Variants in RBFOX1 observed in about 807,000 individuals in gnomAD.
The protein encoded by RBFOX1 is RNA binding protein fox-1 homolog 1.
In RBFOX1, 8 loss-of-function variants were observed where a neutral mutation model predicts 57.7. The observed-to-expected ratio is 0.14, with a 90% CI of 0.08 to 0.25. The LOEUF (loss-of-function observed/expected upper bound fraction) is 0.25, where lower values mean the gene tolerates loss of function less well. Ranked by LOEUF, RBFOX1 falls within the 10% of genes least tolerant of loss-of-function variation. RBFOX1 has a pLI of 1.00. For missense variants in RBFOX1, 611 were observed against 548.5 expected, an observed-to-expected ratio of 1.11 and a Z score of -1.14; for synonymous variants, 326 against 222.4, an observed-to-expected ratio of 1.47 and a Z score of -4.15.
At chr16:7,062,851 T>G (rs554490246) in intron 4 of RBFOX1, among the ~76,000 whole-genome samples, 8 of 149,876 alleles carry the variant, frequency 5.3e-5, no homozygotes, top group African/African-American at 1.5e-4. Flanking sequence ...GTTATCCATC[T>G]ATCCGTCCCT....
At chr16:7,568,503 G>A (rs953519699) in intron 5 of RBFOX1, among the ~76,000 whole-genome samples, 1 of 152,030 alleles carries the variant, frequency 6.6e-6, no homozygotes, top group Non-Finnish European at 1.5e-5. Flanking sequence ...GGTTTCGGTG[G>A]GATTTGGCTG....
chr16:7,404,646 C>T (rs545445806), intron 4 of RBFOX1, among the ~76,000 whole-genome samples: 3 of 152,186 alleles, frequency 2.0e-5, no homozygotes, highest in Non-Finnish European at 4.4e-5. Flanking sequence ...TCATGCTGTG[C>T]TGCCAGCGTT....
At chr16:6,700,000 T>G (rs560683367) in intron 3 of RBFOX1, among the ~76,000 whole-genome samples, 1 of 152,210 alleles carries the variant, frequency 6.6e-6, no homozygotes, top group East Asian at 1.9e-4. Context: ...GACATACATG[T>G]TTTCAGGGTA....
chr16:5,469,648 A>G (rs1207723319), intron 2 of RBFOX1, among the ~76,000 whole-genome samples: 5 of 152,084 alleles, frequency 3.3e-5, no homozygotes, highest in Admixed American at 1.3e-4. Context: ...CCCTGCGACC[A>G]TTAAGCAGTC....
At chr16:7,165,539 C>T (rs899004282) in intron 4 of RBFOX1, among the ~76,000 whole-genome samples, 1 of 151,934 alleles carries the variant, frequency 6.6e-6, no homozygotes, top group African/African-American at 2.4e-5. Context: ...AAGCCATTCA[C>T]CTGCCTCAGC....
chr16:6,784,479 C>T (rs988932436), intron 3 of RBFOX1, among the ~76,000 whole-genome samples: 3 of 152,034 alleles, frequency 2.0e-5, no homozygotes, highest in Non-Finnish European at 4.4e-5. Context: ...ATTATAATCT[C>T]TTTGCTAGAT....
chr16:6,778,705 A>T (rs2079808399), intron 3 of RBFOX1, among the ~76,000 whole-genome samples: 1 of 152,004 alleles, frequency 6.6e-6, no homozygotes. Context: ...GAATTCTTAA[A>T]TTAAAGAAAC....
At chr16:7,310,126 G>C (rs2096275373) in intron 4 of RBFOX1, among the ~76,000 whole-genome samples, 1 of 152,190 alleles carries the variant, frequency 6.6e-6, no homozygotes, top group Admixed American at 6.5e-5. Context: ...GAAGAGCCCT[G>C]GCCCTGGCCC....
intron 14 of RBFOX1, among the ~76,000 whole-genome samples, chr16:7,700,469 C>A (rs1173507747): frequency 6.6e-6 from 1 of 152,146 alleles, no homozygotes; most frequent in African/African-American, 2.4e-5. Flanking sequence ...GCTGTTCAAC[C>A]CTGCTTCATG....
At chr16:7,078,775 C>T (rs905928904) in intron 4 of RBFOX1, among the ~76,000 whole-genome samples, 4 of 149,216 alleles carry the variant, frequency 2.7e-5, no homozygotes, top group African/African-American at 7.3e-5. Context: ...CTCCACTTCC[C>T]GAGTTCAAGC....
At position 6,780,003 on chromosome 16, in the gene RBFOX1, A is replaced by ATT. The variant is rs2080337479; in HGVS notation, c.-16+125354_-16+125355insTT. 3.0e-5 allele frequency among the ~76,000 whole-genome samples: 2 copies of ATT among 66,948 alleles called. 1 individual carries two copies. Among genetic ancestry groups the ATT allele is most frequent in the African/African-American group, 1.4e-4 (2 of 14,718 alleles). The allele number at this position is 66,948 out of a possible 152,430, so 43.9% of individuals were successfully genotyped here. On this transcript the variant is annotated intron_variant, in intron 3 of 15. Transcript: ENST00000550418. ...TATTTATATATTTATATATTTATATATATTTATATATATTTATATATTTAT... is the reference window on the plus strand; with the variant it reads ...TATTTATATATTTATATATTTATATATTTATTTATATATATTTATATATTTAT...
At chr16:6,957,244 G>T (rs1418304431) in intron 3 of RBFOX1, among the ~76,000 whole-genome samples, 2 of 151,828 alleles carry the variant, frequency 1.3e-5, no homozygotes, top group East Asian at 3.9e-4. Context: ...CCATTCTCCT[G>T]CCTCAGCCTC....
chr16:6,476,922 A>G (rs1378987236), intron 2 of RBFOX1, among the ~76,000 whole-genome samples: 1 of 152,214 alleles, frequency 6.6e-6, no homozygotes, highest in Non-Finnish European at 1.5e-5. Flanking sequence ...GGATCATAGT[A>G]TCTTTACTAG....
intron 3 of RBFOX1, among the ~76,000 whole-genome samples, chr16:6,758,591 A>T (rs929008367): frequency 4.6e-5 from 7 of 152,176 alleles, no homozygotes; most frequent in Non-Finnish European, 8.8e-5. Context: ...TGTACCAAGC[A>T]ACTACATTTG....
intron 2 of RBFOX1, chr16:6,577,040 G>A (rs1301052014): frequency 1.3e-5 from 2 of 152,180 alleles, no homozygotes; most frequent in African/African-American, 4.8e-5. Flanking sequence ...TTTCAGGACT[G>A]TTCCCCCAAA....
At chr16:5,294,593 G>C (rs1177343895) in intron 1 of RBFOX1, among the ~76,000 whole-genome samples, 2 of 152,114 alleles carry the variant, frequency 1.3e-5, no homozygotes, top group Non-Finnish European at 2.9e-5. Flanking sequence ...CTTGTGGGTG[G>C]GGCCGAGGAC....
intron 3 of RBFOX1, among the ~76,000 whole-genome samples, chr16:7,012,538 A>G (rs2093701529): frequency 6.6e-6 from 1 of 152,204 alleles, no homozygotes; most frequent in Admixed American, 6.5e-5. Context: ...GGACATTGGA[A>G]CACCTTATTT....
chr16:6,640,330 C>G (rs760871497), intron 2 of RBFOX1, among the ~76,000 whole-genome samples: 4 of 152,142 alleles, frequency 2.6e-5, no homozygotes, highest in Non-Finnish European at 4.4e-5. Context: ...TCATAGAGGC[C>G]GGGCATAGTG....
At chr16:6,823,291 C>G (rs1267035609) in intron 3 of RBFOX1, among the ~76,000 whole-genome samples, 1 of 150,640 alleles carries the variant, frequency 6.6e-6, no homozygotes, top group Non-Finnish European at 1.5e-5. Flanking sequence ...GAGTCTTGCT[C>G]TGTCACCGTG....
Sources: gnomAD v4.1 joint callset for allele counts (sites outside exome capture counted in the v4.1 genomes callset) on GRCh38, gnomAD v4.1.1 for gene constraint, MANE v1.5 for transcripts, NCBI Gene and HGNC (gene_info 2026-07-23, HGNC 2026-07-21) for gene names.